Variants in RSRC1 observed in about 807,000 individuals in gnomAD.
RSRC1 encodes the protein serine/Arginine-related protein 53.
RSRC1 carries 39 observed loss-of-function variants against 49.1 expected under a neutral mutation model. That is an observed-to-expected ratio of 0.79 (90% CI 0.61 to 1.04). The LOEUF (loss-of-function observed/expected upper bound fraction) is 1.04, where lower values mean the gene tolerates loss of function less well. RSRC1 is among the 50% of genes least tolerant of loss of function. The pLI, the probability that RSRC1 is intolerant of heterozygous loss-of-function variation, is 0.00. For missense variants in RSRC1, 388 were observed against 402.4 expected (o/e 0.96, Z 0.31); for synonymous variants, 143 against 130.8 (o/e 1.09, Z -0.63).
chr3:158,401,505 G>A (rs933792052), intron 6 of RSRC1, among the ~76,000 whole-genome samples: 2 of 152,010 alleles, frequency 1.3e-5, no homozygotes, highest in Admixed American at 6.6e-5. Flanking sequence ...AATTGACCAA[G>A]AAATTGCATG....
chr3:158,358,751 T>C (rs1026195973), intron 6 of RSRC1, among the ~76,000 whole-genome samples: 1 of 152,122 alleles, frequency 6.6e-6, no homozygotes, highest in African/African-American at 2.4e-5. Context: ...ACTAGCAGTT[T>C]CTCCCCAGTT....
intron 5 of RSRC1, among the ~76,000 whole-genome samples, chr3:158,345,434 G>C (rs963436575): frequency 1.4e-4 from 21 of 152,068 alleles, no homozygotes; most frequent in Admixed American, 5.9e-4. Flanking sequence ...GGTAAAAATG[G>C]TGGAAAAAGA....
At chr3:158,278,855 T>C (rs1210993933) in intron 4 of RSRC1, among the ~76,000 whole-genome samples, 1 of 152,236 alleles carries the variant, frequency 6.6e-6, no homozygotes, top group Non-Finnish European at 1.5e-5. Context: ...TACTCCATTT[T>C]AAATGTTCTA....
At chr3:158,318,960 A>C (rs1728612083) in intron 5 of RSRC1, among the ~76,000 whole-genome samples, 1 of 152,168 alleles carries the variant, frequency 6.6e-6, no homozygotes, top group Non-Finnish European at 1.5e-5. Context: ...GATCAGAGAG[A>C]AATTGGAGTG....
At chr3:158,537,384 G>T (rs1712773754) in intron 8 of RSRC1, among the ~76,000 whole-genome samples, 186 bp downstream of exon 8, 1 of 151,472 alleles carries the variant, frequency 6.6e-6, no homozygotes, top group Non-Finnish European at 1.5e-5. Flanking sequence ...AGTTTAATTT[G>T]TATAAAAAAT....
chr3:158,454,111 CTG>C (rs1303516363), intron 6 of RSRC1, among the ~76,000 whole-genome samples: 1 of 152,064 alleles, frequency 6.6e-6, no homozygotes, highest in East Asian at 1.9e-4. Context: ...ACCTGAGAAA[CTG>C]TGCCTTTCTA....
At chr3:158,176,894 C>T (rs1719256120) in intron 3 of RSRC1, among the ~76,000 whole-genome samples, 1 of 152,030 alleles carries the variant, frequency 6.6e-6, no homozygotes, top group Non-Finnish European at 1.5e-5. Context: ...GCAATCTACC[C>T]ATCTGACAAA....
chr3:158,276,314 G>A (rs1725810392), intron 4 of RSRC1: 4 of 762,542 alleles, frequency 5.2e-6, no homozygotes, highest in Non-Finnish European at 7.2e-6. Context: ...GAGCCCTGTG[G>A]AGAGCAGAGA....
chr3:158,134,987 A>G (rs1374096507), intron 3 of RSRC1, among the ~76,000 whole-genome samples: 1 of 152,206 alleles, frequency 6.6e-6, no homozygotes, highest in Non-Finnish European at 1.5e-5. Context: ...ATCAGTGGTG[A>G]TTAATTTATT....
chr3:158,421,109 T>C (rs1735021996), intron 6 of RSRC1, among the ~76,000 whole-genome samples: 1 of 151,894 alleles, frequency 6.6e-6, no homozygotes, highest in Non-Finnish European at 1.5e-5. Flanking sequence ...AGTGTTGAAA[T>C]CAGGGAAGTC....
At chr3:158,262,730 T>A (rs2108038585) in intron 4 of RSRC1, among the ~76,000 whole-genome samples, 1 of 152,194 alleles carries the variant, frequency 6.6e-6, no homozygotes, top group South Asian at 2.1e-4. Context: ...GTCTTTAAAA[T>A]TTTTTTCACC....
chr3:158,464,797 A>G (rs923705625), intron 7 of RSRC1, among the ~76,000 whole-genome samples: 1 of 152,102 alleles, frequency 6.6e-6, no homozygotes, highest in African/African-American at 2.4e-5. Flanking sequence ...GGTTTGTGCT[A>G]TTATCCCTGT....
At chr3:158,161,770 A>G (rs545118236) in intron 3 of RSRC1, among the ~76,000 whole-genome samples, 1 of 152,272 alleles carries the variant, frequency 6.6e-6, no homozygotes, top group Non-Finnish European at 1.5e-5. Context: ...TCAAAAATAC[A>G]TACATACATA....
chr3:158,357,112 TCA>T (rs1160949791), intron 6 of RSRC1, among the ~76,000 whole-genome samples: 10 of 152,220 alleles, frequency 6.6e-5, no homozygotes, highest in African/African-American at 2.4e-4. Flanking sequence ...AGTTTTTAAG[TCA>T]CTCTTTTTTA....
intron 3 of RSRC1, among the ~76,000 whole-genome samples, chr3:158,178,498 A>G (rs1477267919): frequency 6.6e-6 from 1 of 152,168 alleles, no homozygotes; most frequent in African/African-American, 2.4e-5. Flanking sequence ...GGATTTATCA[A>G]TTTTTAAATT....
intron 4 of RSRC1, among the ~76,000 whole-genome samples, chr3:158,273,073 GA>G (rs747876930): frequency 1.3e-5 from 2 of 151,954 alleles, no homozygotes; most frequent in Non-Finnish European, 2.9e-5. Context: ...GATATTAGTG[GA>G]AATTAATTTG....
chr3:158,359,168 T>G (rs577218202), intron 6 of RSRC1, among the ~76,000 whole-genome samples: 1 of 152,288 alleles, frequency 6.6e-6, no homozygotes, highest in African/African-American at 2.4e-5. Context: ...CATTTTACTT[T>G]CGCACCAATA....
intron 1 of RSRC1, among the ~76,000 whole-genome samples, chr3:158,121,221 G>T (rs763631849): frequency 2.6e-5 from 4 of 151,864 alleles, no homozygotes; most frequent in Non-Finnish European, 5.9e-5. Flanking sequence ...ATTTGTAGAA[G>T]TAGGATTTCT....
chr3:158,468,219 C>T (rs6441202), intron 7 of RSRC1, among the ~76,000 whole-genome samples: 26,790 of 152,182 alleles, frequency 0.18, 2,494 homozygotes, highest in African/African-American at 0.24. Context: ...AGGCGTGAGC[C>T]ACCGCGCCCG....
Sources: gnomAD v4.1 joint callset for allele counts (sites outside exome capture counted in the v4.1 genomes callset) on GRCh38, gnomAD v4.1.1 for gene constraint, MANE v1.5 for transcripts, NCBI Gene and HGNC (gene_info 2026-07-23, HGNC 2026-07-21) for gene names.